Variants in TMEM135 observed in about 807,000 individuals in gnomAD.
The protein encoded by TMEM135 is peroxisomal membrane protein 52.
TMEM135 carries 30 observed loss-of-function variants against 60.3 expected under a neutral mutation model. The observed-to-expected ratio is 0.50, with a 90% CI of 0.37 to 0.68. The LOEUF (loss-of-function observed/expected upper bound fraction) is 0.68. Among genes scored for constraint, TMEM135 ranks in the 30% least tolerant of loss-of-function variants. The pLI is 0.00. For missense variants in TMEM135, 468 were observed against 548.8 expected (o/e 0.85, Z 1.47); for synonymous variants, 190 against 186.7 (o/e 1.02, Z -0.14).
chr11:87,136,175 A>C (rs1938092733), intron 4 of TMEM135, among the ~76,000 whole-genome samples: 1 of 152,040 alleles, frequency 6.6e-6, no homozygotes. Context: ...GAAAAAGAGA[A>C]AATTTTACTT....
chr11:87,244,785 T>A (rs1426559829), intron 6 of TMEM135, among the ~76,000 whole-genome samples: 8 of 135,224 alleles, frequency 5.9e-5, no homozygotes, highest in African/African-American at 2.0e-4. Flanking sequence ...ATTTTTTTGA[T>A]CCTTTCAAAG....
chr11:87,266,090 G>T (rs1941741992), intron 6 of TMEM135, among the ~76,000 whole-genome samples: 1 of 152,080 alleles, frequency 6.6e-6, no homozygotes, highest in Non-Finnish European at 1.5e-5. Flanking sequence ...TATATTATTG[G>T]ACATTGCACA....
intron 3 of TMEM135, among the ~76,000 whole-genome samples, chr11:87,082,532 T>C (rs1286216609): frequency 6.6e-6 from 1 of 152,148 alleles, no homozygotes; most frequent in Admixed American, 6.5e-5. Flanking sequence ...CTGGTGGAAA[T>C]AGCCAGCAGG....
chr11:87,126,957 G>C (rs61904213), intron 4 of TMEM135, among the ~76,000 whole-genome samples: 19,593 of 152,080 alleles, frequency 0.13, 1,348 homozygotes, highest in Middle Eastern at 0.15. Flanking sequence ...ATTGGAATCT[G>C]TTACATCCTT....
chr11:87,091,273 A>G (rs1591011569), intron 3 of TMEM135, 89 bp from the exon 4 acceptor site: 7 of 1,195,230 alleles, frequency 5.9e-6, no homozygotes, highest in Non-Finnish European at 7.3e-6. Flanking sequence ...TTCTGAGAAT[A>G]TAATTCTTTT....
intron 4 of TMEM135, chr11:87,096,207 A>C (rs551782273): frequency 3.7e-5 from 11 of 300,924 alleles, no homozygotes; most frequent in Non-Finnish European, 5.3e-5. Context: ...CTCTTCTACA[A>C]ATTCTTCGTC....
chr11:87,259,800 T>C (rs1941609937), intron 6 of TMEM135, among the ~76,000 whole-genome samples: 1 of 152,228 alleles, frequency 6.6e-6, no homozygotes, highest in Admixed American at 6.5e-5. Flanking sequence ...GAGAAGCTTT[T>C]AAGTTCTAAA....
In TMEM135 at chr11:87,101,808, T is replaced by A. The variant is rs894752183; in HGVS notation, c.396+10413T>A. Among the ~76,000 whole-genome samples the A allele has an allele frequency of 4.6e-5, 7 of 152,070 alleles. No homozygotes were observed. In the East Asian group the frequency reaches 1.4e-3, roughly 29 times the overall value. On this transcript the variant is annotated intron_variant, in intron 4 of 14. Coordinates refer to ENST00000305494, the MANE Select transcript of TMEM135 (RefSeq NM_022918.4). ...TGACCAACATGGATAAACCCGTCTC[T>A]ACTAAAAAAACAAAATTAACCGGGT...
rs573218976 is a variant in TMEM135, at chr11:87,165,855, A to T, written c.462+8449A>T. Among the ~76,000 whole-genome samples the T allele has an allele frequency of 1.4e-4, 18 of 127,466 alleles. 2 individuals carry two copies. The highest frequency in any genetic ancestry group is 5.2e-4 in the African/African-American group (17 of 32,922). 83.6% of individuals were successfully genotyped at this position (127,466 alleles called of 152,430 possible). On this transcript the variant is annotated intron_variant, in intron 5 of 14. Coordinates refer to ENST00000305494, the MANE Select transcript of TMEM135 (RefSeq NM_022918.4). Reference sequence around the variant, plus strand: ...TGATAGACCGCTAGTAAGACTAATAAAGAAAAAAGAGAGAAGAATCTAATA... The same window carrying T: ...TGATAGACCGCTAGTAAGACTAATATAGAAAAAAGAGAGAAGAATCTAATA...
At chr11:87,136,873 A>G (rs1031307479) in intron 4 of TMEM135, among the ~76,000 whole-genome samples, 5 of 151,982 alleles carry the variant, frequency 3.3e-5, no homozygotes, top group Non-Finnish European at 1.5e-5. Flanking sequence ...GATAATGGTA[A>G]TTTGTGCCTT....
intron 6 of TMEM135, among the ~76,000 whole-genome samples, chr11:87,266,413 G>A (rs1941747871): frequency 1.3e-5 from 2 of 152,098 alleles, no homozygotes; most frequent in Admixed American, 6.5e-5. Context: ...AAATCAGTTT[G>A]TTTGAATATA....
At chr11:87,214,081 G>C (rs1379547362) in intron 5 of TMEM135, among the ~76,000 whole-genome samples, 1 of 152,142 alleles carries the variant, frequency 6.6e-6, no homozygotes, top group East Asian at 1.9e-4. Context: ...ATTACTCTAT[G>C]GTGGTGTGGT....
chr11:87,077,837 A>G (rs2135150474), intron 3 of TMEM135, among the ~76,000 whole-genome samples: 1 of 152,342 alleles, frequency 6.6e-6, no homozygotes, highest in East Asian at 1.9e-4. Context: ...TATATAATGG[A>G]GTCATACAAT....
intron 6 of TMEM135, among the ~76,000 whole-genome samples, chr11:87,237,926 T>C (rs1941038682): frequency 6.6e-6 from 1 of 152,014 alleles, no homozygotes; most frequent in African/African-American, 2.4e-5. Context: ...ACATTTTCCT[T>C]TCTGTGCCTG....
intron 4 of TMEM135, among the ~76,000 whole-genome samples, chr11:87,102,090 G>A (rs1193997452): frequency 1.3e-5 from 2 of 152,228 alleles, no homozygotes; most frequent in Admixed American, 6.5e-5. Context: ...GCAGACACCA[G>A]CTTAGTGTCC....
Position 87,313,285 on chromosome 11 carries a change from G to A in TMEM135, c.937-140G>A, listed in dbSNP as rs1159305722. The A allele has an allele frequency of 4.1e-5, 27 of 652,042 alleles. No homozygotes were observed. In the South Asian group the frequency reaches 4.2e-4, roughly 10 times the overall value. 40.4% of individuals were successfully genotyped at this position (652,042 alleles called of 1,614,324 possible). On this transcript the variant is annotated intron_variant, in intron 10 of 14. Transcript: ENST00000305494. ...TATTGTTCATAATTTTTCCAATCAT[G>A]TATGCAGTTTGATTTAGATGAGATC...
chr11:87,197,759 G>C (rs1939994348), intron 5 of TMEM135, among the ~76,000 whole-genome samples: 1 of 151,868 alleles, frequency 6.6e-6, no homozygotes, highest in East Asian at 1.9e-4. Flanking sequence ...TCACTTATTA[G>C]GGATATCATA....
At chr11:87,115,544 A>T (rs1857858852) in intron 4 of TMEM135, among the ~76,000 whole-genome samples, 1 of 152,150 alleles carries the variant, frequency 6.6e-6, no homozygotes, top group Non-Finnish European at 1.5e-5. Flanking sequence ...CATTTAATTT[A>T]CAGCCTTTGA....
chr11:87,200,952 GTCTTA>G (rs1324997104), intron 5 of TMEM135, among the ~76,000 whole-genome samples: 3 of 152,148 alleles, frequency 2.0e-5, no homozygotes, highest in African/African-American at 4.8e-5. Context: ...ATTCTTCCAT[GTCTTA>G]TCTTAGTTGG....
Sources: gnomAD v4.1 joint callset for allele counts (sites outside exome capture counted in the v4.1 genomes callset) on GRCh38, gnomAD v4.1.1 for gene constraint, MANE v1.5 for transcripts, NCBI Gene and HGNC (gene_info 2026-07-23, HGNC 2026-07-21) for gene names.